Variants in DNAJC6 observed in about 807,000 individuals in gnomAD.
DNAJC6 encodes the protein auxilin.
In DNAJC6, 34 loss-of-function variants were observed where a neutral mutation model predicts 110.0. That is an observed-to-expected ratio of 0.31 (90% CI 0.24 to 0.41). The LOEUF (loss-of-function observed/expected upper bound fraction) is 0.41. DNAJC6 is among the 10% of genes least tolerant of loss of function. The pLI is 1.00. For synonymous variants in DNAJC6, 406 were observed against 437.2 expected (o/e 0.93, Z 0.89); for missense variants, 1,031 against 1,207.8 (o/e 0.85, Z 2.17).
At chr1:65,359,777 T>C (rs150514753) in intron 1 of DNAJC6, among the ~76,000 whole-genome samples, 93 of 152,294 alleles carry the variant, frequency 6.1e-4, no homozygotes, top group African/African-American at 2.2e-3. Flanking sequence ...GGCCGTAAGA[T>C]CTGTGGCACT....
intron 1 of DNAJC6, chr1:65,265,016 A>AT: frequency 7.6e-7 from 1 of 1,323,250 alleles, no homozygotes; most frequent in Non-Finnish European, 1.1e-6. Context: ...CCACAGACAT[A>AT]TTTAGTTTGT....
intron 1 of DNAJC6, among the ~76,000 whole-genome samples, chr1:65,298,483 A>G (rs6678387): frequency 0.64 from 97,432 of 152,012 alleles, 31,439 homozygotes; most frequent in East Asian, 0.79. Context: ...ACTTTGCCAC[A>G]ATTCTAGTAC....
chr1:65,309,410 A>C, upstream of DNAJC6: 1 of 341,382 alleles, frequency 2.9e-6, no homozygotes, highest in South Asian at 1.0e-4. Context: ...GCTTCCGGGC[A>C]CTCCTCAGCC....
At chr1:65,306,742 C>T (rs192468540), upstream of DNAJC6, among the ~76,000 whole-genome samples, 14 of 152,174 alleles carry the variant, frequency 9.2e-5, no homozygotes, top group Non-Finnish European at 1.8e-4. Context: ...TGTAAATGTT[C>T]ACCTTGTGTT....
intron 1 of DNAJC6, among the ~76,000 whole-genome samples, chr1:65,335,198 C>T (rs1645324005): frequency 2.6e-5 from 4 of 151,772 alleles, no homozygotes; most frequent in South Asian, 2.1e-4. Context: ...ACCTCCACCT[C>T]GCGGGTTCAA....
In DNAJC6 at chr1:65,364,636, T is replaced by A. The variant is rs557673660; in HGVS notation, c.195T>A (p.Gly65=). ...TTTGTTTTTTTTTTTTTTTGGCAGGTGCCTCATCTCCAGACATGGAGCCCA... is the reference window on the plus strand; with the variant it reads ...TTTGTTTTTTTTTTTTTTTGGCAGGAGCCTCATCTCCAGACATGGAGCCCA... ...PDRASTMDSS[G]ASSPDMEPSY... Residue 65 remains glycine (G), a splice_region_variant and synonymous_variant, in exon 2 of 19, where the codon GGT becomes GGA. Coordinates refer to ENST00000371069, the MANE Select transcript of DNAJC6 (RefSeq NM_001256864.2). 7.0e-6 allele frequency: 11 copies of A among 1,563,378 alleles called. No homozygotes were observed. Among genetic ancestry groups the A allele is most frequent in the Non-Finnish European group, 9.4e-6 (11 of 1,165,352 alleles).
intron 12 of DNAJC6, 99 bp from the exon 13 acceptor site, chr1:65,394,799 C>G: frequency 7.2e-7 from 1 of 1,380,004 alleles, no homozygotes; most frequent in Non-Finnish European, 9.6e-7. Context: ...ATAGGAAATT[C>G]TTGGAGTCCA....
chr1:65,352,523 A>G (rs2101523639), intron 1 of DNAJC6, among the ~76,000 whole-genome samples: 1 of 152,320 alleles, frequency 6.6e-6, no homozygotes, highest in East Asian at 1.9e-4. Flanking sequence ...AAGAGCAAAA[A>G]TATATTTCAG....
At chr1:65,383,762 G>A (rs951257654) in intron 5 of DNAJC6, among the ~76,000 whole-genome samples, 1 of 152,154 alleles carries the variant, frequency 6.6e-6, no homozygotes, top group Non-Finnish European at 1.5e-5. Context: ...TCTGGTGAAG[G>A]TTCTTTATTT....
chr1:65,408,453 G>A lies in DNAJC6; in HGVS notation c.2492-188G>A, dbSNP rs545346288. 3.9e-5 allele frequency among the ~76,000 whole-genome samples: 6 copies of A among 152,228 alleles called. No homozygotes were observed. The South Asian group carries it at 1.2e-3, about 32-fold the overall frequency. ...CTTGCCACATATATGATTCTGGACA[G>A]GTTCATTTTCTTCATCTGTAGAATG... On this transcript the variant is annotated intron_variant, in intron 16 of 18. Transcript: ENST00000371069.
At chr1:65,276,340 C>T (rs1653669465) in intron 1 of DNAJC6, among the ~76,000 whole-genome samples, 1 of 152,092 alleles carries the variant, frequency 6.6e-6, no homozygotes, top group African/African-American at 2.4e-5. Flanking sequence ...GGTTGTCTTT[C>T]TTCATATGCC....
intron 1 of DNAJC6, among the ~76,000 whole-genome samples, chr1:65,332,260 A>G (rs1043377989): frequency 5.9e-5 from 9 of 152,182 alleles, no homozygotes. Flanking sequence ...AAATCAGGAT[A>G]TGTAGACTAC....
At chr1:65,335,068 C>A (rs1645322334) in intron 1 of DNAJC6, among the ~76,000 whole-genome samples, 1 of 151,756 alleles carries the variant, frequency 6.6e-6, no homozygotes, top group Admixed American at 6.6e-5. Context: ...GAGCCAGATA[C>A]TCTGGTACAA....
At chr1:65,373,999 T>C (rs1391798405) in intron 4 of DNAJC6, among the ~76,000 whole-genome samples, 2 of 152,228 alleles carry the variant, frequency 1.3e-5, no homozygotes, top group Admixed American at 6.5e-5. Context: ...TTTCTGCATA[T>C]AGTTACCCAC....
intron 1 of DNAJC6, chr1:65,279,535 G>A (rs1009204912): frequency 1.3e-5 from 2 of 152,028 alleles, no homozygotes; most frequent in African/African-American, 4.8e-5. Context: ...TAATATTAAT[G>A]TTAAGTCAGA....
intron 18 of DNAJC6, 145 bp from the exon 19 acceptor site, chr1:65,412,779 A>G: frequency 1.4e-6 from 1 of 706,530 alleles, no homozygotes; most frequent in Non-Finnish European, 2.4e-6. Flanking sequence ...TTTGGGTCAG[A>G]TATAGTAGAT....
At chr1:65,346,492 C>G (rs1361150409) in intron 1 of DNAJC6, among the ~76,000 whole-genome samples, 1 of 152,146 alleles carries the variant, frequency 6.6e-6, no homozygotes, top group African/African-American at 2.4e-5. Flanking sequence ...CACTCACCTT[C>G]CCAGTCTCAT....
intron 1 of DNAJC6, among the ~76,000 whole-genome samples, chr1:65,359,515 T>C (rs974101845): frequency 2.0e-5 from 3 of 152,302 alleles, no homozygotes; most frequent in African/African-American, 7.2e-5. Flanking sequence ...ACCTTTCTCT[T>C]TGGATGGCAC....
At chr1:65,385,952 A>C in intron 7 of DNAJC6, 46 bp downstream of exon 7, 412 of 1,462,966 alleles carry the variant, frequency 2.8e-4, no homozygotes, top group Non-Finnish European at 3.5e-4. Context: ...CTCAATTCTC[A>C]TGTAAATGAG....
Sources: allele counts gnomAD v4.1 joint callset (sites outside exome capture counted in the v4.1 genomes callset), GRCh38; gene constraint gnomAD v4.1.1; transcripts MANE v1.5; gene names NCBI Gene and HGNC (gene_info 2026-07-23, HGNC 2026-07-21).